The following STS variants were observed in gnomAD, a reference collection of about 807,000 sequenced individuals.
STS encodes steroid sulfatase.
Under a neutral mutation model 26.8 loss-of-function variants are expected in STS, and 7 were observed. The observed-to-expected ratio is 0.26, with a 90% CI of 0.15 to 0.49. The LOEUF (loss-of-function observed/expected upper bound fraction) is 0.49. Ranked by LOEUF, STS falls within the 20% of genes least tolerant of loss-of-function variation. STS has a pLI of 0.98. For synonymous variants in STS, 199 were observed against 189.4 expected (o/e 1.05, Z -0.42); for missense variants, 434 against 465.6 (o/e 0.93, Z 0.63).
chrX:7,267,775 C>A (rs1183618804), intron 6 of STS, among the ~76,000 whole-genome samples: 1 of 111,456 alleles, frequency 9.0e-6, no homozygotes, highest in Non-Finnish European at 1.9e-5. Context: ...TAAGGTTCTC[C>A]AGGCTGAAGT....
At chrX:7,166,156 T>C (rs1933347361) in intron 1 of STS, among the ~76,000 whole-genome samples, 1 of 109,953 alleles carries the variant, frequency 9.1e-6, no homozygotes, top group Non-Finnish European at 1.9e-5. Flanking sequence ...TACAGGTGCA[T>C]ACCACCACAC....
At chrX:7,290,606 A>C (rs1372851467) in intron 7 of STS, among the ~76,000 whole-genome samples, 1 of 111,857 alleles carries the variant, frequency 8.9e-6, no homozygotes, top group Non-Finnish European at 1.9e-5. Flanking sequence ...TCCGCCCCAC[A>C]CAGTGTATAC....
chrX:7,158,522 A>C (rs759778463), intron 1 of STS, among the ~76,000 whole-genome samples: 13 of 111,711 alleles, frequency 1.2e-4, no homozygotes, highest in African/African-American at 4.2e-4. Context: ...TCTTCACATG[A>C]CAGGACCAGT....
chrX:7,220,769 C>T (rs1921526896), intron 2 of STS, among the ~76,000 whole-genome samples: 1 of 109,360 alleles, frequency 9.1e-6, no homozygotes, highest in African/African-American at 3.3e-5. Flanking sequence ...AGGATGGTCT[C>T]GATCTCCTGA....
At chrX:7,255,933 A>G (rs1923387894) in intron 3 of STS, among the ~76,000 whole-genome samples, 1 of 112,446 alleles carries the variant, frequency 8.9e-6, no homozygotes, top group Admixed American at 9.4e-5. Flanking sequence ...CCAATGAACA[A>G]GATGTATACT....
chrX:7,350,120 C>T lies in STS; in HGVS notation c.1596C>T (p.His532=), dbSNP rs373926733. ...TCATGCAGGAAGCTGCGGACAGACA[C>T]ACCCAGACCCTGCCAGAGGTGCCCG... ...LKVMQEAADR[H]TQTLPEVPDQ... The change falls in exon 11 of 11, where the codon CAC becomes CAT. Residue 532 remains histidine, a synonymous_variant. Coordinates refer to ENST00000674429, the MANE Select transcript of STS (RefSeq NM_001320752.2). 8.3e-7 allele frequency: 1 copy of T among 1,210,756 alleles called. No homozygotes were observed. The highest frequency in any genetic ancestry group is 1.7e-5 in the African/African-American group (1 of 57,442).
At chrX:7,229,588 T>C (rs1234042900) in intron 2 of STS, among the ~76,000 whole-genome samples, 1 of 110,834 alleles carries the variant, frequency 9.0e-6, no homozygotes, top group Non-Finnish European at 1.9e-5. Context: ...GAGTTTTTTT[T>C]GCACTGTGTG....
intron 2 of STS, among the ~76,000 whole-genome samples, chrX:7,235,434 A>G (rs1404180157): frequency 3.6e-5 from 4 of 111,911 alleles, no homozygotes; most frequent in African/African-American, 1.3e-4. Flanking sequence ...TGTGGTATGC[A>G]CTTGTGTTTG....
At chrX:7,225,535 T>G (rs1364132978) in intron 2 of STS, among the ~76,000 whole-genome samples, 1 of 111,623 alleles carries the variant, frequency 9.0e-6, no homozygotes, top group Non-Finnish European at 1.9e-5. Context: ...GGAAGCTGGT[T>G]AGAGACTCAG....
intron 2 of STS, among the ~76,000 whole-genome samples, chrX:7,241,277 A>G (rs1450854052): frequency 1.8e-5 from 2 of 112,091 alleles, no homozygotes; most frequent in Non-Finnish European, 3.8e-5. Context: ...AAAAAAATCA[A>G]TTTTTGTGTA....
At position 7,257,564 on chromosome X, in the gene STS, C is replaced by A; in HGVS notation, c.358C>A (p.Gln120Lys). ...EITFAKLLKD[Q>K]GYSTALIGKW... Reference sequence around the variant, plus strand: ...TACCTTTGCTAAGCTTCTGAAGGATCAAGGTTATTCAACAGCACTGATAGG... The same window carrying A: ...TACCTTTGCTAAGCTTCTGAAGGATAAAGGTTATTCAACAGCACTGATAGG... The change falls in exon 5 of 11, where the codon CAA (glutamine) becomes AAA (lysine). Residue 120 changes from glutamine (Q) to lysine (K), a missense_variant. Gln to Lys is a moderately conservative substitution (Grantham distance 53). Coordinates refer to ENST00000674429, the MANE Select transcript of STS (RefSeq NM_001320752.2). 1 of 1,211,655 alleles carries A rather than the reference C, an allele frequency of 8.3e-7. No homozygotes were observed. The highest frequency in any genetic ancestry group is 1.1e-6 in the Non-Finnish European group (1 of 895,397).
intron 1 of STS, among the ~76,000 whole-genome samples, chrX:7,177,355 G>A (rs1464710224): frequency 9.2e-6 from 1 of 109,099 alleles, no homozygotes; most frequent in Non-Finnish European, 1.9e-5. Context: ...TATATAAATA[G>A]TAGTGTTGAT....
intron 2 of STS, among the ~76,000 whole-genome samples, chrX:7,240,486 G>T (rs867611551): frequency 3.4e-5 from 2 of 59,034 alleles, no homozygotes; most frequent in Non-Finnish European, 6.3e-5. Flanking sequence ...CACACACACA[G>T]ATATGTATGT....
At chrX:7,290,034 CTT>C (rs748023732) in intron 7 of STS, among the ~76,000 whole-genome samples, 1 of 111,935 alleles carries the variant, frequency 8.9e-6, no homozygotes, top group African/African-American at 3.2e-5. Context: ...TTTCTGGAAT[CTT>C]ATGAAACCAG....
intron 2 of STS, among the ~76,000 whole-genome samples, chrX:7,223,616 T>TC (rs1402893225): frequency 3.6e-5 from 4 of 111,576 alleles, no homozygotes; most frequent in Admixed American, 2.9e-4. Flanking sequence ...TGTTTTTTTT[T>TC]CTCATTGAGT....
At chrX:7,308,309 G>A (rs1926312308) in intron 8 of STS, among the ~76,000 whole-genome samples, 1 of 112,239 alleles carries the variant, frequency 8.9e-6, no homozygotes, top group African/African-American at 3.2e-5. Flanking sequence ...TGCCGAGGAG[G>A]AGACGTGTAC....
Position 7,292,438 on chromosome X carries a change from A to T in STS, c.944-12608A>T, listed in dbSNP as rs1925466730. ...CAGTATACACTGAGTTATAACATCC[A>T]CAAGTGGTGTTACTGCCTGGATCCA... On this transcript the variant is annotated intron_variant, in intron 7 of 10. Transcript: ENST00000674429. Among the ~76,000 whole-genome samples, 3 of 112,512 alleles carry T rather than the reference A, an allele frequency of 2.7e-5. No homozygotes were observed. The Admixed American group carries it at 2.8e-4, about 11-fold the overall frequency.
chrX:7,191,590 C>T (rs926546887), intron 2 of STS, among the ~76,000 whole-genome samples: 6 of 111,416 alleles, frequency 5.4e-5, no homozygotes, highest in African/African-American at 1.6e-4. Flanking sequence ...GAGCTCCTTT[C>T]CCTGGTGGAG....
intron 8 of STS, 145 bp from the exon 9 acceptor site, chrX:7,325,194 T>C (rs1386786541): frequency 6.6e-6 from 4 of 602,489 alleles, no homozygotes; most frequent in Admixed American, 2.7e-5. Context: ...ACATATACTA[T>C]ATTGCTCATG....
Sources: gnomAD v4.1 joint callset for allele counts (sites outside exome capture counted in the v4.1 genomes callset) on GRCh38, gnomAD v4.1.1 for gene constraint, MANE v1.5 for transcripts, NCBI Gene and HGNC (gene_info 2026-07-23, HGNC 2026-07-21) for gene names.